The following ALG12 variants were observed in gnomAD, a reference collection of about 807,000 sequenced individuals.
ALG12 encodes the protein ALG12 alpha-1,6-mannosyltransferase.
Under a neutral mutation model 46.0 loss-of-function variants are expected in ALG12, and 36 were observed. The ratio of observed to expected loss-of-function variants is 0.78; its 90% CI spans 0.60 to 1.03. The LOEUF is 1.03. Ranked by LOEUF, ALG12 falls within the 50% of genes least tolerant of loss-of-function variation. The pLI, the probability that ALG12 is intolerant of heterozygous loss-of-function variation, is 0.00. For missense variants in ALG12, 599 were observed against 633.5 expected, an observed-to-expected ratio of 0.95 and a Z score of 0.58; for synonymous variants, 326 against 291.6, an observed-to-expected ratio of 1.12 and a Z score of -1.20.
rs1008507201 is a variant in ALG12, at chr22:49,905,150, G to A, written c.993-644C>T. ...GAACTCTCTGGGACAGGGTGCCGCC[G>A]GTTCTCTCACAATCGACTATGCCAA... On this transcript the variant is annotated intron_variant, in intron 7 of 9. Coordinates refer to ENST00000330817, the MANE Select transcript of ALG12 (RefSeq NM_024105.4). The surrounding 1 kb of genome is among the most constrained non-coding windows in gnomAD (Gnocchi z 4.9). Among the ~76,000 whole-genome samples the A allele has an allele frequency of 5.3e-5, 8 of 152,142 alleles. No homozygotes were observed. Among genetic ancestry groups the A allele is most frequent in the East Asian group, 1.9e-4 (1 of 5,196 alleles).
the ALG12 span, chr22:49,885,785 T>C: frequency 2.5e-6 from 4 of 1,605,234 alleles, no homozygotes; most frequent in Non-Finnish European, 3.4e-6. Flanking sequence ...ATCCCAGGTA[T>C]GTATGATAAT....
the ALG12 span, among the ~76,000 whole-genome samples, chr22:49,863,487 C>T: frequency 2.0e-3 from 312 of 152,252 alleles, 3 homozygotes; most frequent in African/African-American, 7.3e-3. Context: ...ATTAGCTGGG[C>T]GTGGTGGCGA....
At chr22:49,868,435 A>T in the ALG12 span, among the ~76,000 whole-genome samples, 1 of 152,096 alleles carries the variant, frequency 6.6e-6, no homozygotes, top group Non-Finnish European at 1.5e-5. Flanking sequence ...CAAAAAATTA[A>T]CTGGGTGGTG....
At chr22:49,863,598 GC>G in the ALG12 span, among the ~76,000 whole-genome samples, 1 of 150,792 alleles carries the variant, frequency 6.6e-6, no homozygotes, top group Non-Finnish European at 1.5e-5. Flanking sequence ...CCGCACTCCA[GC>G]CTGGGGACAG....
chr22:49,896,617 G>C (rs1397487003), downstream of ALG12, among the ~76,000 whole-genome samples: 2 of 151,964 alleles, frequency 1.3e-5, no homozygotes, highest in Non-Finnish European at 2.9e-5. Context: ...TTGGTACTTT[G>C]TCCTCTTAAT....
At chr22:49,916,204 G>C (rs1055802085) in intron 1 of ALG12, among the ~76,000 whole-genome samples, 2 of 152,180 alleles carry the variant, frequency 1.3e-5, no homozygotes, top group African/African-American at 4.8e-5. Flanking sequence ...AGTGAGCCGA[G>C]ATCGCGCCAC....
At chr22:49,875,829 C>T in the ALG12 span, among the ~76,000 whole-genome samples, 1 of 152,070 alleles carries the variant, frequency 6.6e-6, no homozygotes, top group African/African-American at 2.4e-5. Context: ...TCTCTCATTC[C>T]TGGTAGTGGT....
the ALG12 span, chr22:49,884,949 G>C: frequency 1.2e-6 from 2 of 1,610,762 alleles, no homozygotes; most frequent in Non-Finnish European, 1.7e-6. Context: ...CCTCTCCTGA[G>C]AAGCAGCAGG....
At chr22:49,893,064 G>A in the ALG12 span, among the ~76,000 whole-genome samples, 1 of 152,240 alleles carries the variant, frequency 6.6e-6, no homozygotes, top group South Asian at 2.1e-4. Context: ...TTCCCTAGAT[G>A]TAGTTAGTAC....
At chr22:49,875,934 G>A in the ALG12 span, among the ~76,000 whole-genome samples, 1 of 98,314 alleles carries the variant, frequency 1.0e-5, no homozygotes, top group African/African-American at 2.7e-5. Flanking sequence ...TGGTTTCATT[G>A]ATTTTTTTTC....
the ALG12 span, among the ~76,000 whole-genome samples, chr22:49,880,804 T>G: frequency 6.6e-6 from 1 of 152,330 alleles, no homozygotes; most frequent in Admixed American, 6.5e-5. Context: ...TCATATTGAA[T>G]TTATAGGTCA....
the ALG12 span, among the ~76,000 whole-genome samples, chr22:49,872,761 G>C: frequency 2.0e-5 from 3 of 151,388 alleles, no homozygotes; most frequent in Non-Finnish European, 4.4e-5. Context: ...CTGGAGTGCA[G>C]TGACGTGATC....
At chr22:49,910,365 G>C in intron 4 of ALG12, 69 bp downstream of exon 4, 1 of 1,564,992 alleles carries the variant, frequency 6.4e-7, no homozygotes, top group Non-Finnish European at 8.7e-7. Flanking sequence ...GCCATCAGCT[G>C]CACAGCCCGA....
At chr22:49,904,741 AAT>A (rs966079211) in intron 7 of ALG12, among the ~76,000 whole-genome samples, 1 of 152,006 alleles carries the variant, frequency 6.6e-6, no homozygotes. Flanking sequence ...GAGATTTTAA[AAT>A]ATATATATAT....
At position 49,903,409 on chromosome 22, in the gene ALG12, G is replaced by A. The variant is rs1414419658; in HGVS notation, c.*429C>T. 2.2e-6 allele frequency: 1 copy of A among 459,810 alleles called. No individual in the cohort carries two copies. Among genetic ancestry groups the A allele is most frequent in the African/African-American group, 2.0e-5 (1 of 50,306 alleles). The allele number at this position is 459,810 out of a possible 1,614,324, so 28.5% of individuals were successfully genotyped here. A position where few individuals can be genotyped will look rare whatever the true frequency, so the allele number is the denominator to read the frequency against. Reference sequence around the variant, plus strand: ...CCCCTGAGAGGGGGTGCTGTCTTAGGTGCCCCAAGAGGCCCTCGGGCAGCA... The same window carrying A: ...CCCCTGAGAGGGGGTGCTGTCTTAGATGCCCCAAGAGGCCCTCGGGCAGCA... On this transcript the variant is annotated 3_prime_UTR_variant, in exon 10 of 10. Transcript: ENST00000330817.
chr22:49,884,428 C>T, the ALG12 span: 3 of 1,614,066 alleles, frequency 1.9e-6, no homozygotes, highest in South Asian at 2.2e-5. Flanking sequence ...GGGGTCGTCT[C>T]CCCACCTCCC....
At chr22:49,907,982 G>GC in intron 6 of ALG12, 38 bp from the exon 7 acceptor site, 2 of 1,596,776 alleles carry the variant, frequency 1.3e-6, no homozygotes, top group Non-Finnish European at 1.7e-6. Context: ...ACCTGTCCAC[G>GC]CATGAGCCCG....
Position 49,907,647 on chromosome 22 carries a change from T to TC in ALG12, c.992+73dup, listed in dbSNP as rs934813757. ...TTCAAAAATTAAACACACACATACA[T>TC]CCCCCCAACAGTAAATCAGTGAACC... On this transcript the variant is annotated intron_variant, in intron 7 of 9. Transcript: ENST00000330817. 16 of 1,488,482 alleles carry TC rather than the reference T, an allele frequency of 1.1e-5. No individual in the cohort carries two copies. The Admixed American group carries it at 2.3e-4, about 21-fold the overall frequency. 92.2% of individuals were successfully genotyped at this position (1,488,482 alleles called of 1,614,324 possible).
downstream of ALG12, among the ~76,000 whole-genome samples, chr22:49,899,823 G>A (rs905044463): frequency 2.0e-5 from 3 of 152,030 alleles, no homozygotes; most frequent in Non-Finnish European, 2.9e-5. Flanking sequence ...GCCAGCCAGT[G>A]AGAAATCCTT....
Sources: gnomAD v4.1 joint callset for allele counts (sites outside exome capture counted in the v4.1 genomes callset) on GRCh38, gnomAD v4.1.1 for gene constraint, Gnocchi (gnomAD v3.1) non-coding constraint, MANE v1.5 for transcripts, NCBI Gene and HGNC (gene_info 2026-07-23, HGNC 2026-07-21) for gene names.